HNRNPL: variants seen among roughly 807,000 people sequenced by gnomAD.
HNRNPL encodes the protein heterogeneous nuclear ribonucleoprotein L.
HNRNPL carries 12 observed loss-of-function variants against 64.0 expected under a neutral mutation model. The observed-to-expected ratio is 0.19, with a 90% CI of 0.12 to 0.30. The LOEUF is 0.30. Ranked by LOEUF, HNRNPL falls within the 10% of genes least tolerant of loss-of-function variation. The probability of loss-of-function intolerance (pLI) is 1.00; values close to 1 mark genes in which losing one functional copy is unlikely to be tolerated. For synonymous variants in HNRNPL, 385 were observed against 313.0 expected, an observed-to-expected ratio of 1.23 and a Z score of -2.43; for missense variants, 484 against 797.4, an observed-to-expected ratio of 0.61 and a Z score of 4.73.
At chr19:38,848,534 G>A (rs767913102) in intron 1 of HNRNPL, among the ~76,000 whole-genome samples, 2 of 152,238 alleles carry the variant, frequency 1.3e-5, no homozygotes, top group Non-Finnish European at 2.9e-5. Flanking sequence ...CCTCTCCTGG[G>A]CTCTGGGGCC....
In HNRNPL at chr19:38,837,694, G is replaced by T. The variant is rs371886131; in HGVS notation, c.1558-43C>A. 29 of 1,569,616 alleles carry T rather than the reference G, an allele frequency of 1.8e-5. No individual in the cohort carries two copies. The African/African-American group carries it at 3.7e-4, about 20-fold the overall frequency. ...TAGTAAATGAACTCTGAAACAAAAG[G>T]GCCGCCACACAGGATTCAAGCAGAC... On this transcript the variant is annotated intron_variant, in intron 10 of 12. Coordinates refer to ENST00000221419, the MANE Select transcript of HNRNPL (RefSeq NM_001533.3).
At chr19:38,847,184 A>C (rs1057235924) in intron 2 of HNRNPL, 132 bp downstream of exon 2, 3 of 511,528 alleles carry the variant, frequency 5.9e-6, no homozygotes, top group Non-Finnish European at 1.1e-5. Flanking sequence ...TGGCCAACCC[A>C]AAAGCAGAGC....
chr19:38,846,153 T>C (rs568638647), intron 2 of HNRNPL, 63 bp from the exon 3 acceptor site: 1 of 1,269,112 alleles, frequency 7.9e-7, no homozygotes, highest in African/African-American at 1.5e-5. Flanking sequence ...AGGGTATCAT[T>C]TGATTTTTTG....
At chr19:38,839,578 C>T (rs918000291) in intron 8 of HNRNPL, 6 of 170,596 alleles carry the variant, frequency 3.5e-5, no homozygotes, top group African/African-American at 1.4e-4. Flanking sequence ...TGGTAACTAA[C>T]AACACTTCAC....
rs578144612 is a variant in HNRNPL, at chr19:38,840,448, G to A, written c.952+40C>T. 3.2e-6 allele frequency: 5 copies of A among 1,562,172 alleles called. No homozygotes were observed. The East Asian group carries it at 6.8e-5, about 21-fold the overall frequency. On this transcript the variant is annotated intron_variant, in intron 7 of 12. Transcript: ENST00000221419. ...CGGCGGGCGGCGGGCAGGGGCACAT[G>A]AGCCACGGGAGTCCACGGAGGGGAA...
At chr19:38,842,762 T>C (rs924760762) in intron 6 of HNRNPL, among the ~76,000 whole-genome samples, 2 of 152,114 alleles carry the variant, frequency 1.3e-5, no homozygotes, top group African/African-American at 4.8e-5. Flanking sequence ...GCCCCAGCCT[T>C]GGGGCTGCCA....
At chr19:38,845,619 T>TA in intron 4 of HNRNPL, 31 bp downstream of exon 4, 1 of 1,566,718 alleles carries the variant, frequency 6.4e-7, no homozygotes, top group East Asian at 2.2e-5. Flanking sequence ...GTCCCTACCC[T>TA]AAGGAACACC....
chr19:38,849,900 C>A lies in HNRNPL; in HGVS notation c.67G>T (p.Asp23Tyr), dbSNP rs749109323. Residue 23 changes from aspartate to tyrosine, a missense_variant, in exon 1 of 13, where the codon GAC becomes TAC. By Grantham distance (160) the Asp-to-Tyr change is radical. Transcript: ENST00000221419. ...RRRLEQRQQP[D>Y]EQRRRSGAMV... is the part of the protein sequence containing the mutation. ...GCTCCCGACCGCCTCCGCTGCTCGT[C>A]CGGCTGCTGCCTCTGCTCCAGCCGC... The A allele has an allele frequency of 4.7e-6, 6 of 1,264,620 alleles. No individual in the cohort carries two copies. The highest frequency in any genetic ancestry group is 6.6e-6 in the Non-Finnish European group (6 of 904,222). 78.3% of individuals were successfully genotyped at this position (1,264,620 alleles called of 1,614,324 possible). A position where few individuals can be genotyped will look rare whatever the true frequency, so the allele number is the denominator to read the frequency against.
Position 38,840,573 on chromosome 19 carries a change from A to G in HNRNPL, c.881-14T>C, listed in dbSNP as rs950367372. 2 of 1,569,906 alleles carry G rather than the reference A, an allele frequency of 1.3e-6. No homozygotes were observed. Among genetic ancestry groups the G allele is most frequent in the African/African-American group, 1.4e-5 (1 of 73,966 alleles). On this transcript the variant is annotated splice_polypyrimidine_tract_variant and intron_variant, in intron 6 of 12. Transcript: ENST00000221419. The stretch of plus-strand genomic sequence containing the variant: ...TGCCAGGGTCACCTGTGGAGAGAGA[A>G]AACAGTTAGGAGTCTCACTCAGAAA...
At chr19:38,846,850 G>A (rs1199087635) in intron 2 of HNRNPL, among the ~76,000 whole-genome samples, 3 of 152,192 alleles carry the variant, frequency 2.0e-5, no homozygotes, top group African/African-American at 7.2e-5. Flanking sequence ...AAAGCTTGCA[G>A]TGAGCTGAGA....
In HNRNPL at chr19:38,836,740, A is replaced by C; in HGVS notation, c.1752T>G (p.Thr584=). 2 of 1,613,024 alleles carry C rather than the reference A, an allele frequency of 1.2e-6. No homozygotes were observed. Among genetic ancestry groups the C allele is most frequent in the Non-Finnish European group, 1.7e-6 (2 of 1,179,328 alleles). Residue 584 remains threonine (T), a synonymous_variant, in exon 13 of 13, where the codon ACT becomes ACG. Coordinates refer to ENST00000221419, the MANE Select transcript of HNRNPL (RefSeq NM_001533.3). ...YPYTLKLCFS[T]AQHAS is the part of the protein sequence containing the mutation. ...CACCTAATTAGGAGGCGTGCTGAGC[A>C]GTGGAGAAACACAACTTCAGAGTGT...
intron 1 of HNRNPL, 192 bp downstream of exon 1, chr19:38,849,508 C>A (rs1325339287): frequency 1.3e-6 from 1 of 764,090 alleles, no homozygotes; most frequent in East Asian, 3.5e-5. Context: ...GCTCCGGACC[C>A]CGCGCACGCG....
intron 10 of HNRNPL, among the ~76,000 whole-genome samples, chr19:38,838,006 C>G (rs1431645265): frequency 6.6e-6 from 1 of 150,786 alleles, no homozygotes; most frequent in African/African-American, 2.5e-5. Flanking sequence ...TCAGTTCCCC[C>G]TGACTGAGCT....
At chr19:38,851,529 G>A (rs1405872311), upstream of HNRNPL, among the ~76,000 whole-genome samples, 1 of 152,250 alleles carries the variant, frequency 6.6e-6, no homozygotes, top group Non-Finnish European at 1.5e-5. Context: ...AAACGCGGCG[G>A]ACGCCCCAAA....
Position 38,847,360 on chromosome 19 carries a change from C to T in HNRNPL, c.342G>A (p.Val114=), listed in dbSNP as rs1355196242. 1.3e-6 allele frequency: 2 copies of T among 1,563,306 alleles called. No homozygotes were observed. Among genetic ancestry groups the T allele is most frequent in the African/African-American group, 1.4e-5 (1 of 72,616 alleles). Residue 114 remains valine (V), a synonymous_variant, in exon 2 of 13, where the codon GTG becomes GTA. Coordinates refer to ENST00000221419, the MANE Select transcript of HNRNPL (RefSeq NM_001533.3). ...GCAAGGCCTCCACAAGGTCTGCTTC[C>T]ACCACACCGTCAATCAGGCCCCTGA... ...VHIRGLIDGV[V]EADLVEALQE... is the part of the protein sequence containing the mutation.
chr19:38,846,537 C>CT (rs1207386551), intron 2 of HNRNPL, among the ~76,000 whole-genome samples: 1 of 152,200 alleles, frequency 6.6e-6, no homozygotes, highest in Non-Finnish European at 1.5e-5. Context: ...CTTGGGAGGG[C>CT]TAGGTGGGCA....
At chr19:38,851,290 C>T (rs1039625896), upstream of HNRNPL, 1 of 152,282 alleles carries the variant, frequency 6.6e-6, no homozygotes, top group Non-Finnish European at 1.5e-5. Context: ...CTCCAGACTC[C>T]GGCGAAGCCC....
In HNRNPL at chr19:38,846,097, G is replaced by T; in HGVS notation, c.387-7C>A. The T allele has an allele frequency of 6.3e-7, 1 of 1,596,522 alleles. No homozygotes were observed. The highest frequency in any genetic ancestry group is 8.6e-7 in the Non-Finnish European group (1 of 1,164,082). ...AGGCATTACCACCACATAGCTGGCA[G>T]AGAGAACACAGGTTTCAATCCTCTC... On this transcript the variant is annotated splice_region_variant and splice_polypyrimidine_tract_variant and intron_variant, in intron 2 of 12. Transcript: ENST00000221419.
chr19:38,843,787 T>G (rs774829809), intron 6 of HNRNPL, 55 bp downstream of exon 6: 278 of 1,423,750 alleles, frequency 2.0e-4, no homozygotes, highest in Non-Finnish European at 2.5e-4. Flanking sequence ...TTAAGTGCAC[T>G]AGTCGAGTGA....
Sources: allele counts gnomAD v4.1 joint callset (sites outside exome capture counted in the v4.1 genomes callset), GRCh38; gene constraint gnomAD v4.1.1; transcripts MANE v1.5; gene names NCBI Gene and HGNC (gene_info 2026-07-23, HGNC 2026-07-21).